The following DPP6 variants were observed in gnomAD, a reference collection of about 807,000 sequenced individuals.
DPP6 encodes the protein dipeptidyl peptidase like 6, also known as A-type potassium channel modulatory protein DPP6.
A neutral mutation model predicts 122.6 loss-of-function variants in DPP6; 69 were observed. The observed-to-expected ratio is 0.56, with a 90% CI of 0.46 to 0.69. The LOEUF is 0.69. Among genes scored for constraint, DPP6 ranks in the 30% least tolerant of loss-of-function variants. DPP6 has a pLI of 0.00. For missense variants in DPP6, 928 were observed against 1,116.9 expected (o/e 0.83, Z 2.41); for synonymous variants, 418 against 433.1 (o/e 0.97, Z 0.43).
At chr7:154,678,318 GCT>G (rs1489644453) in intron 7 of DPP6, among the ~76,000 whole-genome samples, 1 of 152,190 alleles carries the variant, frequency 6.6e-6, no homozygotes, top group Non-Finnish European at 1.5e-5. Flanking sequence ...GCTGCTGCTC[GCT>G]CTCTGGGTTC....
the DPP6 span, among the ~76,000 whole-genome samples, chr7:153,762,555 G>A: frequency 8.0e-4 from 121 of 151,982 alleles, no homozygotes; most frequent in African/African-American, 2.8e-3. Flanking sequence ...TGGATCACCT[G>A]AGGTCAGGAA....
chr7:153,841,305 GTAAC>G, the DPP6 span, among the ~76,000 whole-genome samples: 1 of 152,146 alleles, frequency 6.6e-6, no homozygotes, highest in Non-Finnish European at 1.5e-5. Flanking sequence ...AATTATGTAA[GTAAC>G]CTCCAGGAAA....
chr7:153,937,546 C>G (rs1801513777), intron 1 of DPP6, among the ~76,000 whole-genome samples: 1 of 147,532 alleles, frequency 6.8e-6, no homozygotes, highest in South Asian at 2.1e-4. Context: ...CTCCCGGGTT[C>G]AAGTGATTCT....
At chr7:154,077,419 T>C (rs980700325) in intron 1 of DPP6, among the ~76,000 whole-genome samples, 1 of 152,194 alleles carries the variant, frequency 6.6e-6, no homozygotes, top group Non-Finnish European at 1.5e-5. Flanking sequence ...GAAGTACTCC[T>C]TATTTATAGT....
At chr7:153,995,286 C>T (rs1313538757) in intron 1 of DPP6, among the ~76,000 whole-genome samples, 1 of 152,104 alleles carries the variant, frequency 6.6e-6, no homozygotes, top group African/African-American at 2.4e-5. Context: ...CCCATGAGTT[C>T]TTTTAAGAAG....
In DPP6 at chr7:154,640,824, G is replaced by T. The variant is rs759249848; in HGVS notation, c.680+2951G>T. On this transcript the variant is annotated intron_variant, in intron 6 of 25. Coordinates refer to ENST00000377770, the MANE Select transcript of DPP6 (RefSeq NM_130797.4). ...TTATTCATGTAGAAGAAAACTAAGA[G>T]ATTTTCTTAATTTAGAAAACACATA... Among the ~76,000 whole-genome samples the T allele has an allele frequency of 8.5e-4, 130 of 152,254 alleles. 1 individual carries two copies. Among genetic ancestry groups the T allele is most frequent in the Non-Finnish European group, 1.5e-3 (105 of 68,016 alleles).
intron 7 of DPP6, 116 bp downstream of exon 7, chr7:154,669,557 TG>T: frequency 1.4e-6 from 2 of 1,417,486 alleles, no homozygotes; most frequent in South Asian, 1.5e-5. Context: ...TGTGTGTGTG[TG>T]TGTGTGTGTA....
the DPP6 span, among the ~76,000 whole-genome samples, chr7:153,833,688 TGGG>T: frequency 6.9e-6 from 1 of 145,760 alleles, no homozygotes; most frequent in African/African-American, 2.5e-5. Context: ...AAAAAAAAGG[TGGG>T]GGTGTGTGGG....
At chr7:154,379,632 G>T (rs764839421) in intron 1 of DPP6, among the ~76,000 whole-genome samples, 5 of 152,188 alleles carry the variant, frequency 3.3e-5, no homozygotes, top group Non-Finnish European at 2.9e-5. Context: ...AGAAAAGCAT[G>T]ATTATGCAAT....
intron 6 of DPP6, 113 bp from the exon 7 acceptor site, chr7:154,669,247 A>T (rs1242817242): frequency 6.7e-7 from 1 of 1,482,966 alleles, no homozygotes; most frequent in Non-Finnish European, 9.2e-7. Flanking sequence ...CTTGAAATGG[A>T]TACCATGGAA....
chr7:154,850,399 GTT>G (rs1802273635), intron 16 of DPP6, among the ~76,000 whole-genome samples: 1 of 151,806 alleles, frequency 6.6e-6, no homozygotes, highest in Non-Finnish European at 1.5e-5. Flanking sequence ...TGTAGTTGGG[GTT>G]TTTGGCGGGG....
chr7:154,417,959 A>G (rs1320778671), intron 1 of DPP6, among the ~76,000 whole-genome samples: 2 of 152,192 alleles, frequency 1.3e-5, no homozygotes, highest in African/African-American at 4.8e-5. Context: ...GTGTCTCTCC[A>G]TGGCCAAAAC....
At chr7:154,061,607 CT>C (rs1455902301) in intron 1 of DPP6, among the ~76,000 whole-genome samples, 8 of 143,672 alleles carry the variant, frequency 5.6e-5, no homozygotes, top group African/African-American at 2.1e-4. Context: ...GCTCTTGGGA[CT>C]CCCATCACAG....
chr7:153,938,490 A>G (rs941410025), intron 1 of DPP6, among the ~76,000 whole-genome samples: 5 of 152,234 alleles, frequency 3.3e-5, no homozygotes, highest in African/African-American at 4.8e-5. Flanking sequence ...TCAGCAAACC[A>G]TGAAGATTCT....
chr7:154,648,317 G>A (rs1251827630), intron 6 of DPP6, among the ~76,000 whole-genome samples: 9 of 151,486 alleles, frequency 5.9e-5, no homozygotes, highest in African/African-American at 2.2e-4. Context: ...GGCCTGATGC[G>A]AAGCACTGGG....
intron 1 of DPP6, among the ~76,000 whole-genome samples, chr7:154,290,071 T>G (rs1185113070): frequency 6.6e-6 from 1 of 152,206 alleles, no homozygotes; most frequent in Non-Finnish European, 1.5e-5. Context: ...AAGTTACACA[T>G]GGACACACTG....
chr7:154,493,758 G>A (rs937720176), intron 3 of DPP6, among the ~76,000 whole-genome samples: 3 of 152,184 alleles, frequency 2.0e-5, no homozygotes, highest in African/African-American at 2.4e-5. Flanking sequence ...GCAGGATTCC[G>A]TTTCTGGAAT....
intron 1 of DPP6, among the ~76,000 whole-genome samples, chr7:153,972,894 C>G (rs1162715238): frequency 1.3e-5 from 2 of 151,712 alleles, no homozygotes; most frequent in Admixed American, 1.3e-4. Context: ...AAATAGACCA[C>G]GTGAAGACAT....
At chr7:154,830,807 T>G (rs1800572864) in intron 16 of DPP6, among the ~76,000 whole-genome samples, 1 of 152,192 alleles carries the variant, frequency 6.6e-6, no homozygotes, top group Non-Finnish European at 1.5e-5. Context: ...GAGGAAGCAT[T>G]TGCATTTCTA....
Sources: gnomAD v4.1 joint callset for allele counts (sites outside exome capture counted in the v4.1 genomes callset) on GRCh38, gnomAD v4.1.1 for gene constraint, MANE v1.5 for transcripts, NCBI Gene and HGNC (gene_info 2026-07-23, HGNC 2026-07-21) for gene names.